FAM171A1: variants seen among roughly 807,000 people sequenced by gnomAD.
The protein encoded by FAM171A1 is family with sequence similarity 171 member A1, also known as protein FAM171A1.
A neutral mutation model predicts 74.9 loss-of-function variants in FAM171A1; 23 were observed. That is an observed-to-expected ratio of 0.31 (90% CI 0.22 to 0.44). The LOEUF (loss-of-function observed/expected upper bound fraction) is 0.44, where lower values mean the gene tolerates loss of function less well. Among genes scored for constraint, FAM171A1 ranks in the 20% least tolerant of loss-of-function variants. The pLI, the probability that FAM171A1 is intolerant of heterozygous loss-of-function variation, is 1.00. For missense variants in FAM171A1, 1,162 were observed against 1,159.2 expected (o/e 1.00, Z -0.03); for synonymous variants, 527 against 505.7 (o/e 1.04, Z -0.57).
rs374104936 is a variant in FAM171A1 at position 15,237,457 on chromosome 10, C to G, written c.754+11182G>C. 7.9e-5 allele frequency: 12 copies of G among 152,284 alleles called. No individual in the cohort carries two copies. In the East Asian group the frequency reaches 1.9e-3, roughly 24 times the overall value. 9.4% of individuals were successfully genotyped at this position (152,284 alleles called of 1,614,324 possible). ...CAAGATTGTTTTTTGAGTTGCTAGG[C>G]AACACTGAAAAACAAATGTCGATGT... is the stretch of plus-strand genomic sequence containing the variant. On this transcript the variant is annotated intron_variant, in intron 5 of 7. Transcript: ENST00000378116.
chr10:15,363,271 G>A (rs1836018475), intron 1 of FAM171A1, among the ~76,000 whole-genome samples: 1 of 152,198 alleles, frequency 6.6e-6, no homozygotes. Context: ...GCATTATTCT[G>A]CAGGACAGGA....
chr10:15,232,374 G>A (rs11259557), intron 5 of FAM171A1, among the ~76,000 whole-genome samples: 17,157 of 152,146 alleles, frequency 0.11, 1,041 homozygotes, highest in Middle Eastern at 0.16. Context: ...AAATAAACTA[G>A]CTCATTCTCG....
At chr10:15,303,325 T>G (rs1835255404) in intron 1 of FAM171A1, among the ~76,000 whole-genome samples, 1 of 152,220 alleles carries the variant, frequency 6.6e-6, no homozygotes, top group Admixed American at 6.5e-5. Context: ...TGAAATTTCC[T>G]GCTTCATCTA....
At position 15,254,791 on chromosome 10, in the gene FAM171A1, G is replaced by C. The variant is rs777862548; in HGVS notation, c.507C>G (p.Leu169=). 6.5e-5 allele frequency: 105 copies of C among 1,614,084 alleles called. No homozygotes were observed. In the Admixed American group the frequency reaches 1.7e-3, roughly 27 times the overall value. ...NTSYSDLTAF[L]TAASSPSEVD... is the part of the protein sequence containing the mutation. ...CCTCCGAAGGGGAGCTGGCGGCCGTGAGAAACGCGGTCAGGTCACTGTAGC... is the reference window on the plus strand; with the variant it reads ...CCTCCGAAGGGGAGCTGGCGGCCGTCAGAAACGCGGTCAGGTCACTGTAGC... Residue 169 remains leucine (L), a synonymous_variant, in exon 4 of 8, where the codon CTC becomes CTG. Coordinates refer to ENST00000378116, the MANE Select transcript of FAM171A1 (RefSeq NM_001010924.2).
chr10:15,292,044 T>A (rs1835107814), intron 1 of FAM171A1, among the ~76,000 whole-genome samples: 1 of 152,152 alleles, frequency 6.6e-6, no homozygotes, highest in Non-Finnish European at 1.5e-5. Context: ...TAAGTTCAGG[T>A]AGCTGGTTAG....
At chr10:15,356,543 A>C (rs1053501670) in intron 1 of FAM171A1, among the ~76,000 whole-genome samples, 2 of 152,188 alleles carry the variant, frequency 1.3e-5, no homozygotes, top group African/African-American at 4.8e-5. Flanking sequence ...CAAACACTAG[A>C]AATAACTTGA....
chr10:15,313,295 C>G (rs1223357694), intron 1 of FAM171A1, among the ~76,000 whole-genome samples: 2 of 152,230 alleles, frequency 1.3e-5, no homozygotes, highest in African/African-American at 4.8e-5. Context: ...GAAATGCTTT[C>G]AGGGTTTGCC....
chr10:15,318,927 A>G (rs1329718264), intron 1 of FAM171A1, among the ~76,000 whole-genome samples: 1 of 152,186 alleles, frequency 6.6e-6, no homozygotes, highest in East Asian at 1.9e-4. Context: ...AGGCCTGCTC[A>G]TAGTTCCAAG....
At chr10:15,371,438 C>A (rs560114657), upstream of FAM171A1, among the ~76,000 whole-genome samples, 160 of 150,394 alleles carry the variant, frequency 1.1e-3, 1 homozygote, top group African/African-American at 3.8e-3. Flanking sequence ...GACACTGCCC[C>A]GGCGCGCCCC....
intron 3 of FAM171A1, among the ~76,000 whole-genome samples, chr10:15,267,240 T>C (rs1834756552): frequency 6.6e-6 from 1 of 152,138 alleles, no homozygotes; most frequent in Non-Finnish European, 1.5e-5. Context: ...AATGCCAGCG[T>C]GCATGGGCAC....
intron 1 of FAM171A1, among the ~76,000 whole-genome samples, chr10:15,367,060 G>T (rs999673716): frequency 6.6e-6 from 1 of 152,068 alleles, no homozygotes; most frequent in South Asian, 2.1e-4. Flanking sequence ...ATAGCCAGGC[G>T]TGGTGGCGGG....
rs1351772153 is a variant in FAM171A1 at position 15,247,700 on chromosome 10, T to C, written c.754+939A>G. Among the ~76,000 whole-genome samples the C allele has an allele frequency of 2.0e-5, 3 of 152,094 alleles. No individual in the cohort carries two copies. In the East Asian group the frequency reaches 5.8e-4, roughly 29 times the overall value. Reference sequence around the variant, plus strand: ...TTTTAAAAGGCTGGTCTCAGACTCTTGGCCTCAAGTGAACCACCCGCCTCA... The same window carrying C: ...TTTTAAAAGGCTGGTCTCAGACTCTCGGCCTCAAGTGAACCACCCGCCTCA... On this transcript the variant is annotated intron_variant, in intron 5 of 7. Coordinates refer to ENST00000378116, the MANE Select transcript of FAM171A1 (RefSeq NM_001010924.2).
chr10:15,214,143 T>C lies in FAM171A1; in HGVS notation c.1445A>G (p.Asn482Ser), dbSNP rs377674623. ...MEREGYESSG[N>S]DDYRGSYNTV... ...GTTGTAACTACCCCTGTAGTCATCATTGCCCGAGGACTCGTAGCCTTCTCT... is the reference window on the plus strand; with the variant it reads ...GTTGTAACTACCCCTGTAGTCATCACTGCCCGAGGACTCGTAGCCTTCTCT... The change falls in exon 8 of 8, where the codon AAT becomes AGT. Residue 482 changes from asparagine (N) to serine (S), a missense_variant. Asn to Ser is a conservative substitution (Grantham distance 46). Coordinates refer to ENST00000378116, the MANE Select transcript of FAM171A1 (RefSeq NM_001010924.2). 7 of 1,614,074 alleles carry C rather than the reference T, an allele frequency of 4.3e-6. No individual in the cohort carries two copies. The highest frequency in any genetic ancestry group is 1.1e-5 in the South Asian group (1 of 91,088).
At chr10:15,312,088 G>GC (rs766264618) in intron 1 of FAM171A1, among the ~76,000 whole-genome samples, 2 of 152,192 alleles carry the variant, frequency 1.3e-5, no homozygotes, top group Non-Finnish European at 2.9e-5. Flanking sequence ...ATTCAAGCGT[G>GC]CATCTTCTAA....
At chr10:15,224,303 T>C (rs1834077565) in intron 5 of FAM171A1, among the ~76,000 whole-genome samples, 1 of 152,056 alleles carries the variant, frequency 6.6e-6, no homozygotes, top group African/African-American at 2.4e-5. Flanking sequence ...GAAGTGGGGA[T>C]GGGAGCACAG....
At chr10:15,309,362 C>A (rs1272812961) in intron 1 of FAM171A1, among the ~76,000 whole-genome samples, 3 of 152,186 alleles carry the variant, frequency 2.0e-5, no homozygotes, top group African/African-American at 7.2e-5. Flanking sequence ...CACACACCAC[C>A]ATGTCTGGTT....
At chr10:15,238,969 A>C (rs577274998) in intron 5 of FAM171A1, among the ~76,000 whole-genome samples, 6,264 of 150,254 alleles carry the variant, frequency 0.042, 182 homozygotes, top group Middle Eastern at 0.11. Flanking sequence ...GTAAATCTTT[A>C]TTTATTCTTT....
At chr10:15,337,689 C>T (rs1329397512) in intron 1 of FAM171A1, among the ~76,000 whole-genome samples, 1 of 152,258 alleles carries the variant, frequency 6.6e-6, no homozygotes, top group Non-Finnish European at 1.5e-5. Flanking sequence ...TGGCTTACGC[C>T]TGCAATCCCA....
At chr10:15,365,432 T>TCGTCCA (rs1836048056) in intron 1 of FAM171A1, among the ~76,000 whole-genome samples, 2 of 152,098 alleles carry the variant, frequency 1.3e-5, no homozygotes, top group Non-Finnish European at 2.9e-5. Context: ...GGGGCTTAAT[T>TCGTCCA]CCCAGAATTT....
Sources: gnomAD v4.1 joint callset for allele counts (sites outside exome capture counted in the v4.1 genomes callset) on GRCh38, gnomAD v4.1.1 for gene constraint, MANE v1.5 for transcripts, NCBI Gene and HGNC (gene_info 2026-07-23, HGNC 2026-07-21) for gene names.